PEX5: variants seen among roughly 807,000 people sequenced by gnomAD.
PEX5 encodes PTS1 receptor.
PEX5 carries 52 observed loss-of-function variants against 82.9 expected under a neutral mutation model. The ratio of observed to expected loss-of-function variants is 0.63; its 90% confidence interval spans 0.50 to 0.79. PEX5 has a LOEUF of 0.79. Among genes scored for constraint, PEX5 ranks in the 30% least tolerant of loss-of-function variants. The probability of loss-of-function intolerance (pLI) is 0.00; values close to 1 mark genes in which losing one functional copy is unlikely to be tolerated. For missense variants in PEX5, 719 were observed against 815.2 expected (o/e 0.88, Z 1.44); for synonymous variants, 300 against 318.8 (o/e 0.94, Z 0.63).
Position 7,208,631 on chromosome 12 carries a change from G to C in PEX5, c.1356G>C (p.Leu452=), listed in dbSNP as rs1945126491. ...AAGAAGGGGCTGGTGGGGCAGGACT[G>C]GGCCCCAGCAAGCGTATCCTGGGAT... is the stretch of plus-strand genomic sequence containing the variant. The part of the protein sequence containing the change: ...PAEEGAGGAG[L]GPSKRILGSL... The change falls in exon 13 of 16, where the codon CTG becomes CTC. Residue 452 remains leucine, a synonymous_variant. Coordinates refer to ENST00000675855, the MANE Select transcript of PEX5 (RefSeq NM_001351132.2). 1.9e-6 allele frequency: 3 copies of C among 1,614,008 alleles called. No homozygotes were observed. The highest frequency in any genetic ancestry group is 2.5e-6 in the Non-Finnish European group (3 of 1,179,946).
intron 10 of PEX5, among the ~76,000 whole-genome samples, chr12:7,206,649 A>G (rs1944836312): frequency 6.6e-6 from 1 of 152,218 alleles, no homozygotes; most frequent in African/African-American, 2.4e-5. Flanking sequence ...AATAATTTGC[A>G]TCTGATCATG....
chr12:7,209,814 C>T lies in PEX5; in HGVS notation c.1692C>T (p.Ile564=), dbSNP rs1480572765. ...TCCGGTCCCGCTATAACCTGGGCAT[C>T]AGCTGCATCAACCTCGGGGCTCACC... ...GYIRSRYNLG[I]SCINLGAHRE... Residue 564 remains isoleucine (I), a synonymous_variant, in exon 15 of 16, where the codon ATC becomes ATT. Coordinates refer to ENST00000675855, the MANE Select transcript of PEX5 (RefSeq NM_001351132.2). 1 of 1,614,198 alleles carries T rather than the reference C, an allele frequency of 6.2e-7. No homozygotes were observed. Among genetic ancestry groups the T allele is most frequent in the South Asian group, 1.1e-5 (1 of 91,082 alleles).
chr12:7,208,337 G>A, intron 12 of PEX5, 120 bp from the exon 13 acceptor site: 2 of 782,570 alleles, frequency 2.6e-6, no homozygotes, highest in Admixed American at 2.0e-5. Flanking sequence ...CATGTCAGAG[G>A]AGTCACAGGT....
rs764700965 is a variant in PEX5, at chr12:7,190,895, A to G, written c.155A>G (p.Lys52Arg). Residue 52 changes from lysine (K) to arginine (R), a missense_variant, in exon 3 of 16, where the codon AAG (lysine) becomes AGG (arginine). Transcript: ENST00000675855. ...TCTGTCTTTCTCTCTTAGGCCTCCA[A>G]GCCTTTGGGAGTAGCTTCTGAAGAT... ...PGAPASEAAS[K>R]PLGVASEDEL... 23 of 1,613,594 alleles carry G rather than the reference A, an allele frequency of 1.4e-5. No homozygotes were observed. The highest frequency in any genetic ancestry group is 1.9e-5 in the Non-Finnish European group (22 of 1,179,488).
Position 7,210,643 on chromosome 12 carries a change from G to T in PEX5, c.*420G>T. 3.1e-6 allele frequency: 1 copy of T among 324,854 alleles called. No individual in the cohort carries two copies. The highest frequency in any genetic ancestry group is 6.0e-6 in the Non-Finnish European group (1 of 166,954). 20.1% of individuals were successfully genotyped at this position (324,854 alleles called of 1,614,324 possible). A position where few individuals can be genotyped will look rare whatever the true frequency, so the allele number is the denominator to read the frequency against. ...CCAGCTTCCTTGGGCAGTGTAAGTA[G>T]GAGGTTCATCTGCTGTGCGCCTCTA... On this transcript the variant is annotated 3_prime_UTR_variant, in exon 16 of 16. Coordinates refer to ENST00000675855, the MANE Select transcript of PEX5 (RefSeq NM_001351132.2).
downstream of PEX5, among the ~76,000 whole-genome samples, chr12:7,215,564 A>G (rs190674347): frequency 9.8e-5 from 15 of 152,362 alleles, no homozygotes; most frequent in African/African-American, 3.6e-4. Flanking sequence ...GCATCCGCGA[A>G]AAAGAACAAA....
chr12:7,191,658 A>G lies in PEX5; in HGVS notation c.406A>G (p.Asn136Asp), dbSNP rs766587819. ...GDAVDVTQDY[N>D]ETDWSQEFIS... Reference sequence around the variant, plus strand: ...TGCTGTGGATGTAACTCAGGATTATAATGAGACTGACTGGTCCCAAGAATT... The same window carrying G: ...TGCTGTGGATGTAACTCAGGATTATGATGAGACTGACTGGTCCCAAGAATT... The change falls in exon 5 of 16, where the codon AAT becomes GAT. Residue 136 changes from asparagine to aspartate, a missense_variant. Physicochemically the swap from Asn to Asp is conservative, Grantham distance 23. Transcript: ENST00000675855. The G allele has an allele frequency of 5.4e-5, 87 of 1,613,842 alleles. No homozygotes were observed. The highest frequency in any genetic ancestry group is 7.0e-5 in the Non-Finnish European group (82 of 1,179,696).
intron 10 of PEX5, among the ~76,000 whole-genome samples, chr12:7,204,708 T>C (rs988937783): frequency 6.6e-6 from 1 of 152,258 alleles, no homozygotes; most frequent in Non-Finnish European, 1.5e-5. Context: ...GTTGTACATT[T>C]ATGTAAAAAT....
At chr12:7,213,930 T>C (rs374210047), downstream of PEX5, among the ~76,000 whole-genome samples, 3 of 150,748 alleles carry the variant, frequency 2.0e-5, no homozygotes, top group African/African-American at 7.5e-5. Context: ...ACAGACACTT[T>C]TCAAAAGAAG....
At position 7,210,285 on chromosome 12, in the gene PEX5, C is replaced by CT; in HGVS notation, c.*62_*63insT. ...GGGATCCCCGCTTTGGATGTGATTC[C>CT]CTCTCCCCAAATGGGCCTACCAAGG... is the stretch of plus-strand genomic sequence containing the variant. On this transcript the variant is annotated 3_prime_UTR_variant, in exon 16 of 16. Coordinates refer to ENST00000675855, the MANE Select transcript of PEX5 (RefSeq NM_001351132.2). The CT allele has an allele frequency of 5.9e-6, 9 of 1,526,378 alleles. No homozygotes were observed. The highest frequency in any genetic ancestry group is 8.1e-6 in the Non-Finnish European group (9 of 1,104,364). The allele number at this position is 1,526,378 out of a possible 1,614,324, so 94.6% of individuals were successfully genotyped here. A position where few individuals can be genotyped will look rare whatever the true frequency, so the allele number is the denominator to read the frequency against.
intron 10 of PEX5, among the ~76,000 whole-genome samples, chr12:7,207,254 A>G (rs1296369938): frequency 6.6e-6 from 1 of 152,184 alleles, no homozygotes; most frequent in Non-Finnish European, 1.5e-5. Context: ...ACATCATCAC[A>G]TTATTGAAGG....
chr12:7,191,066 T>A, intron 3 of PEX5, 143 bp downstream of exon 3: 1 of 1,186,806 alleles, frequency 8.4e-7, no homozygotes, highest in Non-Finnish European at 1.3e-6. Flanking sequence ...TATTTTTTCG[T>A]CCTTCTAAAT....
At chr12:7,207,938 T>C in intron 11 of PEX5, 72 bp from the exon 12 acceptor site, 2 of 1,519,736 alleles carry the variant, frequency 1.3e-6, no homozygotes, top group Non-Finnish European at 1.8e-6. Context: ...AGATGGTGAG[T>C]GGGAGAAGCC....
chr12:7,201,413 A>G, intron 6 of PEX5, among the ~76,000 whole-genome samples: 1 of 152,272 alleles, frequency 6.6e-6, no homozygotes, highest in Middle Eastern at 3.4e-3. Flanking sequence ...AGGTAAATAT[A>G]TATATATTTT....
chr12:7,215,336 T>C (rs1448812718), downstream of PEX5, among the ~76,000 whole-genome samples: 3 of 152,196 alleles, frequency 2.0e-5, no homozygotes, highest in African/African-American at 7.2e-5. Context: ...GGAAGCAGTT[T>C]GGAAATTTCT....
rs1399663676 is a variant in PEX5 at position 7,208,563 on chromosome 12, C to T, written c.1288C>T (p.Leu430=). The change falls in exon 13 of 16, where the codon CTG becomes TTG. Residue 430 remains leucine, a synonymous_variant. Coordinates refer to ENST00000675855, the MANE Select transcript of PEX5 (RefSeq NM_001351132.2). The part of the protein sequence containing the change: ...RQACETLRDW[L]RYTPAYAHLV... Reference sequence around the variant, plus strand: ...GGCCTGTGAAACCCTACGAGACTGGCTGCGGTACACACCAGCCTATGCCCA... The same window carrying T: ...GGCCTGTGAAACCCTACGAGACTGGTTGCGGTACACACCAGCCTATGCCCA... 1.9e-6 allele frequency: 3 copies of T among 1,613,940 alleles called. No homozygotes were observed. The Admixed American group carries it at 5.0e-5, about 27-fold the overall frequency.
At chr12:7,203,658 C>G in intron 10 of PEX5, 107 bp downstream of exon 10, 1 of 1,096,146 alleles carries the variant, frequency 9.1e-7, no homozygotes, top group Non-Finnish European at 1.3e-6. Context: ...TCTTGAGTCC[C>G]TTTCCACGAA....
chr12:7,215,320 A>G (rs1255630939), downstream of PEX5, among the ~76,000 whole-genome samples: 1 of 152,192 alleles, frequency 6.6e-6, no homozygotes, highest in South Asian at 2.1e-4. Flanking sequence ...CAGTTCAGCC[A>G]CTGTGGGAAG....
At chr12:7,205,880 C>A (rs1944695614) in intron 10 of PEX5, among the ~76,000 whole-genome samples, 1 of 152,170 alleles carries the variant, frequency 6.6e-6, no homozygotes, top group Non-Finnish European at 1.5e-5. Context: ...TTCTGGCTGT[C>A]ATATACAGGC....
Sources: gnomAD v4.1 joint callset for allele counts (sites outside exome capture counted in the v4.1 genomes callset) on GRCh38, gnomAD v4.1.1 for gene constraint, MANE v1.5 for transcripts, NCBI Gene and HGNC (gene_info 2026-07-23, HGNC 2026-07-21) for gene names.